Variants in CEP63 observed in about 807,000 individuals in gnomAD.
CEP63 encodes the protein centrosomal protein 63, also known as centrosomal protein of 63 kDa.
A neutral mutation model predicts 89.1 loss-of-function variants in CEP63; 84 were observed. The ratio of observed to expected loss-of-function variants is 0.94; its 90% confidence interval spans 0.79 to 1.13. The LOEUF (loss-of-function observed/expected upper bound fraction) is 1.13, where lower values mean the gene tolerates loss of function less well. Ranked by LOEUF, CEP63 falls within the 50% of genes most tolerant of loss-of-function variation. The pLI is 0.00. For missense variants in CEP63, 838 were observed against 813.3 expected, an observed-to-expected ratio of 1.03 and a Z score of -0.37; for synonymous variants, 267 against 272.5, an observed-to-expected ratio of 0.98 and a Z score of 0.20.
the CEP63 span, chr3:134,650,674 A>G: frequency 1.4e-6 from 1 of 708,202 alleles, no homozygotes; most frequent in South Asian, 2.0e-5. Context: ...CGCCGGTGCC[A>G]CTGCGGGGAA....
At chr3:134,552,220 T>G (rs1955036838) in intron 12 of CEP63, 1 of 364,774 alleles carries the variant, frequency 2.7e-6, no homozygotes, top group Non-Finnish European at 5.1e-6. Flanking sequence ...TTTGTTTTTT[T>G]GAGACGGGGT....
chr3:134,740,540 G>A, the CEP63 span, among the ~76,000 whole-genome samples: 60 of 151,960 alleles, frequency 3.9e-4, no homozygotes, highest in Non-Finnish European at 8.1e-4. Context: ...CTCGTGATCC[G>A]CCCGCCTTGG....
intron 8 of CEP63, among the ~76,000 whole-genome samples, chr3:134,546,784 C>T (rs1428365089): frequency 6.6e-6 from 1 of 152,148 alleles, no homozygotes; most frequent in African/African-American, 2.4e-5. Context: ...TAATTTTCTT[C>T]TGCCACCAGT....
chr3:134,666,947 A>G, the CEP63 span, among the ~76,000 whole-genome samples: 32,714 of 152,054 alleles, frequency 0.22, 4,044 homozygotes, highest in Non-Finnish European at 0.28. Context: ...GTTTTACCGG[A>G]AAGCCCATGC....
At chr3:134,717,915 C>T in the CEP63 span, among the ~76,000 whole-genome samples, 15 of 152,308 alleles carry the variant, frequency 9.8e-5, no homozygotes, top group East Asian at 2.9e-3. Flanking sequence ...TCTTCCTTCC[C>T]TCCTAAAGGA....
chr3:134,584,542 A>T (rs549922683), intron 10 of CEP63, among the ~76,000 whole-genome samples: 1 of 152,248 alleles, frequency 6.6e-6, no homozygotes, highest in African/African-American at 2.4e-5. Flanking sequence ...TGATCATGGC[A>T]CATAAGCTTT....
At chr3:134,623,417 CCCTCCTGCTTCAG>C in the CEP63 span, among the ~76,000 whole-genome samples, 2 of 152,148 alleles carry the variant, frequency 1.3e-5, no homozygotes, top group African/African-American at 4.8e-5. Context: ...TCTCATCCTC[CCCTCCTGCTTCAG>C]CCTTCTCTAT....
In CEP63 at chr3:134,559,240, T is replaced by C. The variant is rs767068026; in HGVS notation, c.1764T>C (p.Ser588=). The change falls in exon 14 of 15, where the codon AGT becomes AGC. Residue 588 remains serine (S), a synonymous_variant. Coordinates refer to ENST00000675561, the MANE Select transcript of CEP63 (RefSeq NM_001353108.3). ...CTCCAAGAGGACAAGCGTCGGATAG[T>C]ATAAACCCCATGTCTAGGGTGCTAA... ...LHSPRGQASD[S]INPMSRVLSP... 1.9e-6 allele frequency: 3 copies of C among 1,614,062 alleles called. No homozygotes were observed. In the African/African-American group the frequency reaches 4.0e-5, roughly 22 times the overall value.
the CEP63 span, among the ~76,000 whole-genome samples, chr3:134,781,003 T>C: frequency 6.6e-6 from 1 of 152,236 alleles, no homozygotes; most frequent in African/African-American, 2.4e-5. Context: ...TTGGCAACGC[T>C]TATTGAATAG....
the CEP63 span, among the ~76,000 whole-genome samples, chr3:134,660,252 T>C: frequency 1.3e-5 from 2 of 152,086 alleles, no homozygotes; most frequent in Non-Finnish European, 2.9e-5. Flanking sequence ...GGCAAGGAGG[T>C]TGCGATGGAG....
chr3:134,625,852 A>G, the CEP63 span, among the ~76,000 whole-genome samples: 148,504 of 152,358 alleles, frequency 0.97, 72,490 homozygotes, highest in East Asian at 1. Context: ...CAGAGACCAA[A>G]CCACGAGTCA....
chr3:134,714,201 G>C, the CEP63 span, among the ~76,000 whole-genome samples: 1 of 152,220 alleles, frequency 6.6e-6, no homozygotes, highest in Admixed American at 6.5e-5. Context: ...TGAGTTGTCA[G>C]GTAATATCAA....
the CEP63 span, chr3:134,627,912 C>T: frequency 1.1e-6 from 1 of 943,880 alleles, no homozygotes; most frequent in Non-Finnish European, 1.7e-6. Context: ...TTGCTTTTGA[C>T]CCCTCCTCTT....
chr3:134,576,031 G>A (rs534898435), downstream of CEP63, among the ~76,000 whole-genome samples: 1 of 152,236 alleles, frequency 6.6e-6, no homozygotes, highest in East Asian at 1.9e-4. Context: ...GAAATGCAAT[G>A]ACTTTTACAT....
chr3:134,610,531 G>A, the CEP63 span: 1 of 666,498 alleles, frequency 1.5e-6, no homozygotes, highest in East Asian at 2.8e-5. Context: ...CATATAAACA[G>A]CCTTGATGGC....
intron 2 of CEP63, among the ~76,000 whole-genome samples, chr3:134,500,825 G>A (rs758898626): frequency 1.1e-4 from 17 of 152,180 alleles, no homozygotes; most frequent in Non-Finnish European, 1.9e-4. Flanking sequence ...CTGTGCAGAA[G>A]CTCTTTAGTT....
At chr3:134,616,893 T>C in the CEP63 span, among the ~76,000 whole-genome samples, 1 of 152,226 alleles carries the variant, frequency 6.6e-6, no homozygotes, top group Admixed American at 6.5e-5. Context: ...TGCAGTCTCA[T>C]TGAGTCCTAT....
At chr3:134,622,810 G>T in the CEP63 span, among the ~76,000 whole-genome samples, 1 of 152,148 alleles carries the variant, frequency 6.6e-6, no homozygotes, top group Non-Finnish European at 1.5e-5. Flanking sequence ...GGGCCACTAG[G>T]TCCTGCAATG....
At chr3:134,513,086 C>T (rs1945372405) in intron 3 of CEP63, among the ~76,000 whole-genome samples, 1 of 152,158 alleles carries the variant, frequency 6.6e-6, no homozygotes, top group African/African-American at 2.4e-5. Flanking sequence ...GAAGACATCT[C>T]TCCTGGAGCT....
Sources: gnomAD v4.1 joint callset for allele counts (sites outside exome capture counted in the v4.1 genomes callset) on GRCh38, gnomAD v4.1.1 for gene constraint, MANE v1.5 for transcripts, NCBI Gene and HGNC (gene_info 2026-07-23, HGNC 2026-07-21) for gene names.